Variants in IQCE observed in about 807,000 individuals in gnomAD.
IQCE encodes IQ motif containing E.
IQCE carries 115 observed loss-of-function variants against 96.0 expected under a neutral mutation model. That is an observed-to-expected ratio of 1.20 (90% CI 1.03 to 1.40). The LOEUF (loss-of-function observed/expected upper bound fraction) is 1.40. Ranked by LOEUF, IQCE falls within the 40% of genes most tolerant of loss-of-function variation. The pLI is 0.00. For synonymous variants in IQCE, 412 were observed against 371.2 expected, an observed-to-expected ratio of 1.11 and a Z score of -1.26; for missense variants, 1,041 against 909.1, an observed-to-expected ratio of 1.15 and a Z score of -1.87.
At chr7:2,602,716 G>C (rs2128470095) in intron 18 of IQCE, among the ~76,000 whole-genome samples, 1 of 152,318 alleles carries the variant, frequency 6.6e-6, no homozygotes, top group African/African-American at 2.4e-5. Flanking sequence ...GTGTTTGCTG[G>C]GCTCCTGCCA....
rs556976446 is a variant in IQCE, at chr7:2,607,332, G to A, written c.1969+105G>A. 329 of 1,512,072 alleles carry A rather than the reference G, an allele frequency of 2.2e-4. 2 individuals are homozygous for A. The African/African-American group carries it at 3.9e-3, about 18-fold the overall frequency. The allele number at this position is 1,512,072 out of a possible 1,614,324, so 93.7% of individuals were successfully genotyped here. On this transcript the variant is annotated intron_variant, in intron 21 of 21. Coordinates refer to ENST00000402050, the MANE Select transcript of IQCE (RefSeq NM_152558.5). ...AGCCCGGGCTGTGTCGGGACGGAAG[G>A]GAGGAGTGTCCCATCTGGAGCTGCC...
At chr7:2,586,487 T>C (rs1783126228) in intron 12 of IQCE, 116 bp downstream of exon 12, 8 of 1,148,504 alleles carry the variant, frequency 7.0e-6, no homozygotes, top group Admixed American at 2.6e-5. Flanking sequence ...ATGTGAACCC[T>C]TGGGCAACGC....
chr7:2,582,729 C>G, intron 9 of IQCE, 79 bp downstream of exon 9: 2 of 1,282,122 alleles, frequency 1.6e-6, no homozygotes, highest in Non-Finnish European at 2.2e-6. Flanking sequence ...TGTTCCTCCC[C>G]CACCCCGTCC....
chr7:2,573,189 A>G (rs1781882457), intron 5 of IQCE, among the ~76,000 whole-genome samples: 1 of 152,004 alleles, frequency 6.6e-6, no homozygotes, highest in Non-Finnish European at 1.5e-5. Flanking sequence ...TCACATGTTT[A>G]TTTATTTACT....
chr7:2,579,799 A>C (rs1014181454), intron 8 of IQCE, among the ~76,000 whole-genome samples: 6 of 150,756 alleles, frequency 4.0e-5, no homozygotes, highest in Non-Finnish European at 7.4e-5. Context: ...GCTGGCGTGC[A>C]GTGGCAGGAT....
chr7:2,578,294 G>A lies in IQCE; in HGVS notation c.518G>A (p.Arg173His), dbSNP rs976202890. 2 of 1,613,922 alleles carry A rather than the reference G, an allele frequency of 1.2e-6. No individual in the cohort carries two copies. Among genetic ancestry groups the A allele is most frequent in the Non-Finnish European group, 8.5e-7 (1 of 1,179,936 alleles). Residue 173 changes from arginine (R) to histidine (H), a missense_variant, in exon 7 of 22, where the codon CGC (arginine) becomes CAC (histidine). Transcript: ENST00000402050. ...DVDLMRTKLR[R>H]LEEENSRKDR... ...GACCTGATGAGAACGAAGCTCCGGC[G>A]CCTGGAGGAGGAAAACAGCAGGAAG... is the stretch of plus-strand genomic sequence containing the variant.
At chr7:2,579,770 GACTC>G (rs1038816337) in intron 8 of IQCE, among the ~76,000 whole-genome samples, 11 of 151,172 alleles carry the variant, frequency 7.3e-5, no homozygotes, top group Admixed American at 2.0e-4. Flanking sequence ...TTGAGACAGG[GACTC>G]ACTCTGTTGC....
chr7:2,602,082 T>TTA (rs1306984559), intron 18 of IQCE: 1 of 154,256 alleles, frequency 6.5e-6, no homozygotes, highest in Non-Finnish European at 1.4e-5. Context: ...GAACGAGTGG[T>TTA]TACAGCCCGG....
rs372991028 is a variant in IQCE at position 2,572,237 on chromosome 7, C to T, written c.305C>T (p.Ala102Val). 2.2e-5 allele frequency: 36 copies of T among 1,614,032 alleles called. No homozygotes were observed. Among genetic ancestry groups the T allele is most frequent in the Non-Finnish European group, 2.7e-5 (32 of 1,179,894 alleles). The change falls in exon 5 of 22, where the codon GCG (alanine) becomes GTG (valine). Residue 102 changes from alanine (A) to valine (V), a missense_variant. By Grantham distance (64) the Ala-to-Val change is moderately conservative. Coordinates refer to ENST00000402050, the MANE Select transcript of IQCE (RefSeq NM_152558.5). Reference sequence around the variant, plus strand: ...AACTCACCCCTCACCTGGGAGCATGCGTGGACTGGCGTCCCCGGCGGCACT... The same window carrying T: ...AACTCACCCCTCACCTGGGAGCATGTGTGGACTGGCGTCCCCGGCGGCACT... ...ALNSPLTWEH[A>V]WTGVPGGTPD...
intron 21 of IQCE, among the ~76,000 whole-genome samples, chr7:2,607,834 C>T (rs1455734081): frequency 6.6e-6 from 1 of 152,228 alleles, no homozygotes; most frequent in Non-Finnish European, 1.5e-5. Flanking sequence ...CCATTGACAC[C>T]TCCTGTAAAG....
At chr7:2,577,183 C>T (rs896963472) in intron 6 of IQCE, among the ~76,000 whole-genome samples, 3 of 152,220 alleles carry the variant, frequency 2.0e-5, no homozygotes, top group African/African-American at 7.2e-5. Flanking sequence ...CAGTGCTTCC[C>T]TGGGCCTGTG....
chr7:2,562,762 C>T (rs1335989420), intron 1 of IQCE, among the ~76,000 whole-genome samples: 1 of 150,834 alleles, frequency 6.6e-6, no homozygotes, highest in African/African-American at 2.4e-5. Context: ...ATTTTTATTC[C>T]TTTCTTTTAC....
chr7:2,568,059 T>A (rs1781509412), intron 2 of IQCE, among the ~76,000 whole-genome samples: 1 of 152,066 alleles, frequency 6.6e-6, no homozygotes. Context: ...GATGAGGAAG[T>A]TAAGGTTGGA....
At chr7:2,584,414 C>A in intron 11 of IQCE, 129 bp downstream of exon 11, 1 of 850,658 alleles carries the variant, frequency 1.2e-6, no homozygotes, top group Non-Finnish European at 2.1e-6. Context: ...GCCAACACTG[C>A]ACCTGTTCTG....
In IQCE at chr7:2,584,247, C is replaced by T. The variant is rs7786703; in HGVS notation, c.786C>T (p.Leu262=). The part of the protein sequence containing the change: ...METYYEEVHR[L]QTLLASSETT... Reference sequence around the variant, plus strand: ...TTTGGTATTTACAGGTGCATCGTCTCCAGACCCTCTTGGCAAGTTCTGAAA... The same window carrying T: ...TTTGGTATTTACAGGTGCATCGTCTTCAGACCCTCTTGGCAAGTTCTGAAA... Residue 262 remains leucine (L), a synonymous_variant, in exon 11 of 22, where the codon CTC becomes CTT. Coordinates refer to ENST00000402050, the MANE Select transcript of IQCE (RefSeq NM_152558.5). 2 of 1,614,002 alleles carry T rather than the reference C, an allele frequency of 1.2e-6. No individual in the cohort carries two copies. The highest frequency in any genetic ancestry group is 1.7e-6 in the Non-Finnish European group (2 of 1,179,848).
chr7:2,572,294 A>G lies in IQCE; in HGVS notation c.362A>G (p.Lys121Arg), dbSNP rs1330409243. The G allele has an allele frequency of 2.5e-6, 4 of 1,614,198 alleles. No individual in the cohort carries two copies. Among genetic ancestry groups the G allele is most frequent in the Non-Finnish European group, 3.4e-6 (4 of 1,180,034 alleles). The change falls in exon 5 of 22, where the codon AAG (lysine) becomes AGG (arginine). Residue 121 changes from lysine (K) to arginine (R), a missense_variant. Transcript: ENST00000402050. ...PDCLTDTFRVKRPHLRRSASN... is the reference protein window; with the variant it reads ...PDCLTDTFRVRRPHLRRSASN... ...TGTCTGACAGACACCTTCAGAGTGA[A>G]GAGGCCACATCTCAGGCGCTCTGCC...
intron 6 of IQCE, among the ~76,000 whole-genome samples, chr7:2,574,125 C>T (rs1781953109): frequency 1.3e-5 from 2 of 152,236 alleles, no homozygotes; most frequent in African/African-American, 4.8e-5. Context: ...GCACCGTGAC[C>T]ATCACACTGG....
intron 12 of IQCE, among the ~76,000 whole-genome samples, chr7:2,587,420 G>C (rs1402764933): frequency 6.6e-6 from 1 of 151,826 alleles, no homozygotes; most frequent in Non-Finnish European, 1.5e-5. Context: ...GGGAGGCGAG[G>C]GGCAGCCAGC....
Position 2,612,803 on chromosome 7 carries a change from G to C in IQCE, c.*2641G>C, listed in dbSNP as rs1785160539. 1.3e-5 allele frequency: 2 copies of C among 152,486 alleles called. No individual in the cohort carries two copies. The highest frequency in any genetic ancestry group is 2.4e-5 in the African/African-American group (1 of 41,324). The allele number at this position is 152,486 out of a possible 1,614,324, so 9.4% of individuals were successfully genotyped here. A position where few individuals can be genotyped will look rare whatever the true frequency, so the allele number is the denominator to read the frequency against. ...GGAGGGGTGAGCTGTGAGTGGGGCT[G>C]AGCCATGGGAGCAGCAAGCTGGTGG... On this transcript the variant is annotated 3_prime_UTR_variant, in exon 22 of 22. Coordinates refer to ENST00000402050, the MANE Select transcript of IQCE (RefSeq NM_152558.5).
Sources: allele counts gnomAD v4.1 joint callset (sites outside exome capture counted in the v4.1 genomes callset), GRCh38; gene constraint gnomAD v4.1.1; transcripts MANE v1.5; gene names NCBI Gene and HGNC (gene_info 2026-07-23, HGNC 2026-07-21).